FAM135B: variants seen among roughly 807,000 people sequenced by gnomAD.
The protein encoded by FAM135B is protein FAM135B.
Under a neutral mutation model 127.7 loss-of-function variants are expected in FAM135B, and 43 were observed. The ratio of observed to expected loss-of-function variants is 0.34; its 90% CI spans 0.26 to 0.43. FAM135B has a LOEUF of 0.43. FAM135B is among the 20% of genes least tolerant of loss of function. The pLI is 1.00. For missense variants in FAM135B, 1,558 were observed against 1,725.6 expected, an observed-to-expected ratio of 0.90 and a Z score of 1.72; for synonymous variants, 670 against 665.1, an observed-to-expected ratio of 1.01 and a Z score of -0.11.
chr8:138,134,218 T>C (rs938449349), intron 19 of FAM135B, among the ~76,000 whole-genome samples: 2 of 152,204 alleles, frequency 1.3e-5, no homozygotes, highest in Non-Finnish European at 2.9e-5. Flanking sequence ...TAAAATGATG[T>C]TTATGAACAT....
At chr8:138,281,164 C>T (rs1324253827) in intron 3 of FAM135B, among the ~76,000 whole-genome samples, 5 of 152,076 alleles carry the variant, frequency 3.3e-5, no homozygotes, top group Non-Finnish European at 5.9e-5. Context: ...TACTATAGTC[C>T]CTGGAGATCC....
In FAM135B at chr8:138,152,178, T is replaced by G. The variant is rs1818225145; in HGVS notation, c.2297A>C (p.Lys766Thr). Residue 766 changes from lysine to threonine, a missense_variant, in exon 13 of 20, where the codon AAG becomes ACG. Lys to Thr is a moderately conservative substitution (Grantham distance 78). This residue lies in a region of FAM135B where 923 missense variants were observed against 865.3 expected (regional missense o/e 1.07). Coordinates refer to ENST00000395297, the MANE Select transcript of FAM135B (RefSeq NM_015912.4). ...EEDEREVALT[K>T]LTKSVSAPHI... ...GGGAGCAGATACAGACTTGGTTAAC[T>G]TAGTGAGTGCCACCTCCCGCTCATC... 1 of 1,614,022 alleles carries G rather than the reference T, an allele frequency of 6.2e-7. No homozygotes were observed. Among genetic ancestry groups the G allele is most frequent in the South Asian group, 1.1e-5 (1 of 91,080 alleles).
intron 1 of FAM135B, among the ~76,000 whole-genome samples, chr8:138,476,834 A>G (rs1359864523): frequency 6.6e-6 from 1 of 152,170 alleles, no homozygotes. Flanking sequence ...ACAAAACAGT[A>G]CTGCTTCTTG....
Position 138,368,000 on chromosome 8 carries a change from T to C in FAM135B, c.-17A>G, listed in dbSNP as rs755790562. 1 of 1,608,790 alleles carries C rather than the reference T, an allele frequency of 6.2e-7. No individual in the cohort carries two copies. The highest frequency in any genetic ancestry group is 8.5e-7 in the Non-Finnish European group (1 of 1,175,444). On this transcript the variant is annotated splice_region_variant and 5_prime_UTR_variant, in exon 2 of 20. Transcript: ENST00000395297. ...TTCAGACATGATCTTTTTGGCTCAT[T>C]ACCTGAAAAACAAGAGAGAAATTAA...
intron 7 of FAM135B, among the ~76,000 whole-genome samples, chr8:138,228,871 G>A (rs1819683445): frequency 1.3e-5 from 2 of 152,176 alleles, no homozygotes; most frequent in Non-Finnish European, 2.9e-5. Context: ...TGTTCTTCCT[G>A]GGCCAGCTAC....
At chr8:138,159,350 A>G (rs1000240732) in intron 12 of FAM135B, among the ~76,000 whole-genome samples, 15 of 150,218 alleles carry the variant, frequency 1.0e-4, no homozygotes, top group Non-Finnish European at 1.5e-4. Context: ...ACTTGGAACC[A>G]ACCCAAATGT....
At chr8:138,167,270 A>G (rs1301016867) in intron 12 of FAM135B, among the ~76,000 whole-genome samples, 1 of 152,062 alleles carries the variant, frequency 6.6e-6, no homozygotes, top group African/African-American at 2.4e-5. Context: ...ATCTCGGTTC[A>G]CTGCAACCTC....
chr8:138,424,764 GT>G (rs1834744810), intron 1 of FAM135B, among the ~76,000 whole-genome samples: 1 of 152,150 alleles, frequency 6.6e-6, no homozygotes, highest in Non-Finnish European at 1.5e-5. Context: ...ATACTTAGTT[GT>G]TGTCTCAATA....
At chr8:138,281,996 G>A (rs183097109) in intron 3 of FAM135B, among the ~76,000 whole-genome samples, 24 of 152,190 alleles carry the variant, frequency 1.6e-4, no homozygotes, top group African/African-American at 4.1e-4. Flanking sequence ...TTTTCCAACC[G>A]TAATGTAAGC....
intron 3 of FAM135B, among the ~76,000 whole-genome samples, chr8:138,267,856 G>C (rs748141384): frequency 6.6e-6 from 1 of 152,240 alleles, no homozygotes; most frequent in Non-Finnish European, 1.5e-5. Flanking sequence ...ATTTAGACCT[G>C]CTGTATTCAA....
In FAM135B at chr8:138,250,829, T is replaced by C. The variant is rs751531319; in HGVS notation, c.542+12A>G. 6 of 1,613,086 alleles carry C rather than the reference T, an allele frequency of 3.7e-6. No individual in the cohort carries two copies. The highest frequency in any genetic ancestry group is 3.4e-6 in the Non-Finnish European group (4 of 1,179,766). The stretch of plus-strand genomic sequence containing the variant: ...GGCTCCCACATATCAGGGCTGCCTC[T>C]GAACTTCATACCTGATCAATGGCTG... On this transcript the variant is annotated intron_variant, in intron 6 of 19. Coordinates refer to ENST00000395297, the MANE Select transcript of FAM135B (RefSeq NM_015912.4).
chr8:138,361,155 T>C (rs759685908), intron 2 of FAM135B, among the ~76,000 whole-genome samples: 1 of 152,156 alleles, frequency 6.6e-6, no homozygotes, highest in Non-Finnish European at 1.5e-5. Flanking sequence ...CTCGAACTCC[T>C]GACCTCAGGC....
In FAM135B at chr8:138,243,341, A is replaced by G. The variant is rs151097551; in HGVS notation, c.543-273T>C. ...CCTAAATGCCAACAACATACCTGTAAGAAACACTGAAGCAGAGCTCCAAGC... is the reference window on the plus strand; with the variant it reads ...CCTAAATGCCAACAACATACCTGTAGGAAACACTGAAGCAGAGCTCCAAGC... On this transcript the variant is annotated intron_variant, in intron 6 of 19. Transcript: ENST00000395297. The surrounding 1 kb of genome is among the most constrained non-coding windows in gnomAD (Gnocchi z 7.5). Among the ~76,000 whole-genome samples, 361 of 152,334 alleles carry G rather than the reference A, an allele frequency of 2.4e-3. 2 individuals are homozygous for G. The highest frequency in any genetic ancestry group is 8.4e-3 in the African/African-American group (350 of 41,580).
At chr8:138,216,921 G>T (rs1379412787) in intron 7 of FAM135B, among the ~76,000 whole-genome samples, 1 of 152,162 alleles carries the variant, frequency 6.6e-6, no homozygotes, top group Non-Finnish European at 1.5e-5. Context: ...AGCTTTCCAG[G>T]GCTTTGGGCT....
At chr8:138,247,640 T>C (rs1399703084) in intron 6 of FAM135B, among the ~76,000 whole-genome samples, 1 of 152,174 alleles carries the variant, frequency 6.6e-6, no homozygotes, top group African/African-American at 2.4e-5. Context: ...ACTAATACAC[T>C]TGCTCTCTGC....
chr8:138,397,887 C>A (rs908811382), intron 1 of FAM135B, among the ~76,000 whole-genome samples: 7 of 152,148 alleles, frequency 4.6e-5, no homozygotes, highest in Admixed American at 2.0e-4. Flanking sequence ...AGGAAGGATT[C>A]ATGCCCCTCT....
At chr8:138,133,741 G>T (rs955879877) in intron 19 of FAM135B, among the ~76,000 whole-genome samples, 1 of 152,130 alleles carries the variant, frequency 6.6e-6, no homozygotes, top group South Asian at 2.1e-4. Flanking sequence ...CTCATGCCAC[G>T]TGAAGGAACT....
chr8:138,176,308 T>C (rs945230535), intron 11 of FAM135B, among the ~76,000 whole-genome samples: 2 of 152,246 alleles, frequency 1.3e-5, no homozygotes, highest in Non-Finnish European at 1.5e-5. Context: ...AAAGAAGATT[T>C]CCTGCAGGGA....
At position 138,251,529 on chromosome 8, in the gene FAM135B, G is replaced by A. The variant is rs551032594; in HGVS notation, c.369-515C>T. On this transcript the variant is annotated intron_variant, in intron 5 of 19. Transcript: ENST00000395297. Reference sequence around the variant, plus strand: ...TGGCAGGTATTGAGAATATAAATACGAATTAAAATGAACAACTGACTGACT... The same window carrying A: ...TGGCAGGTATTGAGAATATAAATACAAATTAAAATGAACAACTGACTGACT... 6.1e-4 allele frequency among the ~76,000 whole-genome samples: 93 copies of A among 152,204 alleles called. 2 individuals carry two copies. The South Asian group carries it at 0.015, about 24-fold the overall frequency.
Sources: gnomAD v4.1 joint callset for allele counts (sites outside exome capture counted in the v4.1 genomes callset) on GRCh38, gnomAD v4.1.1 for gene constraint, gnomAD v4.1.1 regional missense constraint, Gnocchi (gnomAD v3.1) non-coding constraint, MANE v1.5 for transcripts, NCBI Gene and HGNC (gene_info 2026-07-23, HGNC 2026-07-21) for gene names.